LRP1B: variants seen among roughly 807,000 people sequenced by gnomAD.
The protein encoded by LRP1B is low-density lipoprotein receptor-related protein 1B.
A neutral mutation model predicts 556.6 loss-of-function variants in LRP1B; 217 were observed. The ratio of observed to expected loss-of-function variants is 0.39; its 90% CI spans 0.35 to 0.44. The LOEUF is 0.44. Ranked by LOEUF, LRP1B falls within the 20% of genes least tolerant of loss-of-function variation. The pLI, the probability that LRP1B is intolerant of heterozygous loss-of-function variation, is 1.00. For missense variants in LRP1B, 5,053 were observed against 5,620.8 expected, an observed-to-expected ratio of 0.90 and a Z score of 3.23; for synonymous variants, 2,047 against 1,865.8, an observed-to-expected ratio of 1.10 and a Z score of -2.50.
chr2:141,224,318 G>T (rs1233965215), intron 6 of LRP1B, among the ~76,000 whole-genome samples: 2 of 152,122 alleles, frequency 1.3e-5, no homozygotes, highest in African/African-American at 2.4e-5. Context: ...AGTCAGAATA[G>T]TGATTATCAA....
At chr2:141,419,221 CTTAT>C (rs112138464) in intron 3 of LRP1B, among the ~76,000 whole-genome samples, 58,668 of 151,462 alleles carry the variant, frequency 0.39, 11,463 homozygotes, top group Admixed American at 0.43. Context: ...ATTTTTGGAT[CTTAT>C]TTATTAAGGA....
intron 1 of LRP1B, among the ~76,000 whole-genome samples, chr2:142,038,414 T>C (rs568199703): frequency 6.6e-6 from 1 of 151,612 alleles, no homozygotes; most frequent in Non-Finnish European, 1.5e-5. Context: ...GAGGTGGAGC[T>C]ACATAAAATT....
chr2:140,292,637 C>A (rs146693373), intron 84 of LRP1B, among the ~76,000 whole-genome samples: 5 of 152,232 alleles, frequency 3.3e-5, no homozygotes, highest in East Asian at 1.9e-4. Flanking sequence ...GTTCTAGTAG[C>A]CTCTGTGTTT....
At position 141,638,958 on chromosome 2, in the gene LRP1B, T is replaced by C. The variant is rs1253087705; in HGVS notation, c.206-158425A>G. 2.8e-4 allele frequency among the ~76,000 whole-genome samples: 19 copies of C among 68,104 alleles called. 4 individuals carry two copies. Among genetic ancestry groups the C allele is most frequent in the Non-Finnish European group, 3.8e-4 (11 of 29,164 alleles). The allele number at this position is 68,104 out of a possible 152,430, so 44.7% of individuals were successfully genotyped here. Reference sequence around the variant, plus strand: ...ATACACACACGCACATACACACACATATATATATATGGCTACCTTAGAGTC... The same window carrying C: ...ATACACACACGCACATACACACACACATATATATATGGCTACCTTAGAGTC... On this transcript the variant is annotated intron_variant, in intron 2 of 90. Transcript: ENST00000389484.
At chr2:140,331,019 A>G (rs1680781759) in intron 79 of LRP1B, among the ~76,000 whole-genome samples, 2 of 152,122 alleles carry the variant, frequency 1.3e-5, no homozygotes, top group Non-Finnish European at 2.9e-5. Context: ...ATACTATTAG[A>G]TAGTACTACA....
At position 140,562,185 on chromosome 2, in the gene LRP1B, T is replaced by C. The variant is rs149659056; in HGVS notation, c.7195-20214A>G. On this transcript the variant is annotated intron_variant, in intron 43 of 90. Coordinates refer to ENST00000389484, the MANE Select transcript of LRP1B (RefSeq NM_018557.3). ...ATATTTTCAAAGTTACTTTTAAAAG[T>C]TTAGTGACTTTATCTTATATAAATT... 9.2e-4 allele frequency among the ~76,000 whole-genome samples: 140 copies of C among 152,066 alleles called. 1 individual carries two copies. Among genetic ancestry groups the C allele is most frequent in the African/African-American group, 3.2e-3 (134 of 41,364 alleles).
At chr2:140,596,247 C>A (rs916483082) in intron 43 of LRP1B, among the ~76,000 whole-genome samples, 14 of 152,210 alleles carry the variant, frequency 9.2e-5, no homozygotes, top group Admixed American at 9.2e-4. Flanking sequence ...TTTGATGACC[C>A]CAGCTTCAAA....
intron 2 of LRP1B, among the ~76,000 whole-genome samples, chr2:141,765,494 C>G (rs146235028): frequency 1.3e-5 from 2 of 152,108 alleles, no homozygotes; most frequent in African/African-American, 4.8e-5. Context: ...TCCAAAGCAC[C>G]TGGAACCTGC....
chr2:141,943,263 T>TTCC (rs1398657089), intron 1 of LRP1B, among the ~76,000 whole-genome samples: 4 of 152,188 alleles, frequency 2.6e-5, no homozygotes, highest in African/African-American at 9.6e-5. Context: ...ATTATGTGGA[T>TTCC]TCCAAGTACT....
intron 6 of LRP1B, among the ~76,000 whole-genome samples, chr2:141,197,008 C>T (rs979594987): frequency 6.6e-6 from 1 of 152,126 alleles, no homozygotes; most frequent in African/African-American, 2.4e-5. Flanking sequence ...TTCCCCTGCA[C>T]AAACCTCTTG....
chr2:140,327,340 A>C (rs566252570), intron 79 of LRP1B, among the ~76,000 whole-genome samples: 1 of 152,246 alleles, frequency 6.6e-6, no homozygotes, highest in Admixed American at 6.5e-5. Flanking sequence ...AATCGAACTA[A>C]ATATTTTGTT....
chr2:141,804,452 C>G (rs1361883034), intron 2 of LRP1B, among the ~76,000 whole-genome samples: 1 of 151,908 alleles, frequency 6.6e-6, no homozygotes, highest in East Asian at 1.9e-4. Context: ...AAGTCACCTG[C>G]CCCCAAATAA....
intron 7 of LRP1B, among the ~76,000 whole-genome samples, chr2:141,110,394 C>T (rs1202007354): frequency 3.9e-5 from 6 of 152,018 alleles, no homozygotes; most frequent in Non-Finnish European, 5.9e-5. Context: ...GGTTTAGTAC[C>T]TAGGAGCTTG....
At chr2:140,712,273 AG>A in intron 37 of LRP1B, among the ~76,000 whole-genome samples, 1 of 152,108 alleles carries the variant, frequency 6.6e-6, no homozygotes, top group Non-Finnish European at 1.5e-5. Context: ...GAGTCCCTCC[AG>A]GAATCAGTCT....
intron 59 of LRP1B, among the ~76,000 whole-genome samples, chr2:140,484,522 C>A (rs1398029605): frequency 6.6e-6 from 1 of 152,126 alleles, no homozygotes; most frequent in Non-Finnish European, 1.5e-5. Context: ...AAAACATCAA[C>A]CTTTCTTTAA....
chr2:141,711,468 C>T (rs1692354309), intron 2 of LRP1B, among the ~76,000 whole-genome samples: 1 of 152,102 alleles, frequency 6.6e-6, no homozygotes, highest in Non-Finnish European at 1.5e-5. Flanking sequence ...CATGTAGAGA[C>T]ATTAGAAGAG....
chr2:140,895,028 A>G (rs1001536088), intron 23 of LRP1B, among the ~76,000 whole-genome samples: 2 of 152,082 alleles, frequency 1.3e-5, no homozygotes, highest in African/African-American at 4.8e-5. Flanking sequence ...TCAGAGTGGA[A>G]AGGAGTTGTC....
chr2:140,450,503 A>C, intron 63 of LRP1B, 65 bp downstream of exon 63: 2 of 1,260,100 alleles, frequency 1.6e-6, no homozygotes, highest in Non-Finnish European at 2.3e-6. Context: ...TGTAGATTCA[A>C]TTTTCCAGGT....
chr2:140,901,900 T>A (rs554749745), intron 23 of LRP1B, among the ~76,000 whole-genome samples: 1 of 152,266 alleles, frequency 6.6e-6, no homozygotes, highest in South Asian at 2.1e-4. Flanking sequence ...ATTTTATTAG[T>A]GTATTCAATA....
Sources: gnomAD v4.1 joint callset for allele counts (sites outside exome capture counted in the v4.1 genomes callset) on GRCh38, gnomAD v4.1.1 for gene constraint, MANE v1.5 for transcripts, NCBI Gene and HGNC (gene_info 2026-07-23, HGNC 2026-07-21) for gene names.